The following ATP6V1H variants were observed in gnomAD, a reference collection of about 807,000 sequenced individuals.
ATP6V1H encodes V-type proton ATPase subunit H.
A neutral mutation model predicts 71.7 loss-of-function variants in ATP6V1H; 39 were observed. The observed-to-expected ratio is 0.54, with a 90% CI of 0.42 to 0.71. The LOEUF (loss-of-function observed/expected upper bound fraction) is 0.71. Ranked by LOEUF, ATP6V1H falls within the 30% of genes least tolerant of loss-of-function variation. The pLI, the probability that ATP6V1H is intolerant of heterozygous loss-of-function variation, is 0.00. For missense variants in ATP6V1H, 509 were observed against 594.9 expected (o/e 0.86, Z 1.50); for synonymous variants, 192 against 199.3 (o/e 0.96, Z 0.31).
intron 8 of ATP6V1H, among the ~76,000 whole-genome samples, chr8:53,801,363 G>A (rs182167216): frequency 1.1e-3 from 169 of 152,294 alleles, no homozygotes; most frequent in African/African-American, 3.6e-3. Flanking sequence ...GTGCTTGTCT[G>A]TATAAGCCTG....
At chr8:53,815,663 T>A (rs1324232912) in intron 5 of ATP6V1H, among the ~76,000 whole-genome samples, 3 of 152,236 alleles carry the variant, frequency 2.0e-5, no homozygotes, top group African/African-American at 7.2e-5. Flanking sequence ...GCTGAGGTTT[T>A]CACATGCCCA....
At chr8:53,754,048 C>G (rs1477735721) in intron 12 of ATP6V1H, among the ~76,000 whole-genome samples, 1 of 152,116 alleles carries the variant, frequency 6.6e-6, no homozygotes, top group East Asian at 1.9e-4. Flanking sequence ...CCAGATGAGC[C>G]CTGCACACTG....
intron 9 of ATP6V1H, among the ~76,000 whole-genome samples, chr8:53,776,033 G>A (rs1417478861): frequency 6.6e-6 from 1 of 152,228 alleles, no homozygotes; most frequent in African/African-American, 2.4e-5. Context: ...GCAGTCCCGA[G>A]GCCTGCCCCG....
intron 11 of ATP6V1H, 106 bp downstream of exon 11, chr8:53,769,512 C>A: frequency 1.7e-6 from 2 of 1,167,424 alleles, no homozygotes; most frequent in South Asian, 1.8e-5. Flanking sequence ...CAAGAAAATA[C>A]AAATTAAAAC....
Position 53,801,892 on chromosome 8 carries a change from G to A in ATP6V1H, c.584C>T (p.Ser195Leu), listed in dbSNP as rs770394341. The A allele has an allele frequency of 1.2e-5, 19 of 1,613,104 alleles. No homozygotes were observed. Among genetic ancestry groups the A allele is most frequent in the Middle Eastern group, 1.6e-4 (1 of 6,080 alleles). The change falls in exon 8 of 14, where the codon TCG becomes TTG. Residue 195 changes from serine (S) to leucine (L), a missense_variant. Physicochemically the swap from Ser to Leu is moderately radical, Grantham distance 145. Coordinates refer to ENST00000359530, the MANE Select transcript of ATP6V1H (RefSeq NM_015941.4). ...CCCGGCCACGCACTGCACATACTGCGAACTCTGCACAAGAAGAAGTGTTGA... is the reference window on the plus strand; with the variant it reads ...CCCGGCCACGCACTGCACATACTGCAAACTCTGCACAAGAAGAAGTGTTGA... ...ETGTVSSSDS[S>L]QYVQCVAGCL...
chr8:53,841,532 G>A, intron 2 of ATP6V1H, 46 bp downstream of exon 2: 1 of 1,588,756 alleles, frequency 6.3e-7, no homozygotes, highest in Non-Finnish European at 8.6e-7. Flanking sequence ...AAAGTCTGAT[G>A]CAAAAGCATA....
intron 2 of ATP6V1H, among the ~76,000 whole-genome samples, 196 bp downstream of exon 2, chr8:53,841,382 C>T (rs1333310209): frequency 6.6e-6 from 1 of 152,224 alleles, no homozygotes; most frequent in Non-Finnish European, 1.5e-5. Flanking sequence ...AGCCGCTCTG[C>T]TTCCCCACTA....
chr8:53,742,275 A>G (rs1464204944), intron 13 of ATP6V1H, among the ~76,000 whole-genome samples: 1 of 151,718 alleles, frequency 6.6e-6, no homozygotes, highest in Non-Finnish European at 1.5e-5. Flanking sequence ...TATTACCAGC[A>G]CTCCAGCTGT....
chr8:53,769,522 C>T lies in ATP6V1H; in HGVS notation c.1175+96G>A, dbSNP rs1808581567. ...GTCAGCAAGAAAATACAAATTAAAA[C>T]CATAGAATATCTAAAATTTAGAGTG... is the stretch of plus-strand genomic sequence containing the variant. On this transcript the variant is annotated intron_variant, in intron 11 of 13. Transcript: ENST00000359530. 4.5e-5 allele frequency: 56 copies of T among 1,252,724 alleles called. 1 individual carries two copies. In the South Asian group the frequency reaches 8.2e-4, roughly 18 times the overall value. 77.6% of individuals were successfully genotyped at this position (1,252,724 alleles called of 1,614,324 possible). A position where few individuals can be genotyped will look rare whatever the true frequency, so the allele number is the denominator to read the frequency against.
intron 12 of ATP6V1H, among the ~76,000 whole-genome samples, chr8:53,747,769 G>A (rs1807659076): frequency 6.6e-6 from 1 of 151,714 alleles, no homozygotes; most frequent in South Asian, 2.1e-4. Flanking sequence ...TCTCAAACTC[G>A]TGACCTCGTG....
intron 8 of ATP6V1H, among the ~76,000 whole-genome samples, chr8:53,798,140 AAC>A (rs1319089927): frequency 2.6e-4 from 39 of 152,344 alleles, no homozygotes; most frequent in Admixed American, 1.8e-3. Context: ...TATACAAATA[AAC>A]AGTGTTGTAT....
At chr8:53,784,861 T>C (rs1246375701) in intron 9 of ATP6V1H, among the ~76,000 whole-genome samples, 1 of 152,230 alleles carries the variant, frequency 6.6e-6, no homozygotes, top group African/African-American at 2.4e-5. Flanking sequence ...TGTTGAATAT[T>C]GGCCCCCACT....
intron 11 of ATP6V1H, among the ~76,000 whole-genome samples, chr8:53,757,440 CAT>C (rs1808111611): frequency 6.6e-6 from 1 of 152,192 alleles, no homozygotes; most frequent in African/African-American, 2.4e-5. Context: ...CTACCTTCCT[CAT>C]GTGTGCAAGC....
chr8:53,760,115 C>T (rs1009142057), intron 11 of ATP6V1H, among the ~76,000 whole-genome samples: 2 of 152,104 alleles, frequency 1.3e-5, no homozygotes, highest in African/African-American at 4.8e-5. Flanking sequence ...GCAGCTGGTG[C>T]CAGGGAACGA....
intron 12 of ATP6V1H, among the ~76,000 whole-genome samples, chr8:53,755,702 A>T (rs866308530): frequency 1.4e-3 from 3 of 2,190 alleles, no homozygotes; most frequent in African/African-American, 2.4e-3. Context: ...ATATATATAT[A>T]TATATATATA....
intron 4 of ATP6V1H, among the ~76,000 whole-genome samples, chr8:53,818,324 G>GTTC (rs1220547055): frequency 2.0e-5 from 3 of 152,038 alleles, no homozygotes; most frequent in Non-Finnish European, 4.4e-5. Context: ...TGTTATGTAA[G>GTTC]TTCTTTAGTG....
In ATP6V1H at chr8:53,746,241, A is replaced by C. The variant is rs79652268; in HGVS notation, c.1278-2551T>G. On this transcript the variant is annotated intron_variant, in intron 12 of 13. Transcript: ENST00000359530. ...GCCAATAAAATTTTGAAAAGCTTTTAATGATTGATATTATTATGTTTATTT... is the reference window on the plus strand; with the variant it reads ...GCCAATAAAATTTTGAAAAGCTTTTCATGATTGATATTATTATGTTTATTT... Among the ~76,000 whole-genome samples, 48 of 152,100 alleles carry C rather than the reference A, an allele frequency of 3.2e-4. 1 individual carries two copies. The East Asian group carries it at 9.1e-3, about 29-fold the overall frequency.
intron 13 of ATP6V1H, among the ~76,000 whole-genome samples, chr8:53,733,590 C>G (rs1036702878): frequency 6.6e-6 from 1 of 152,148 alleles, no homozygotes; most frequent in African/African-American, 2.4e-5. Context: ...ATTTACTATC[C>G]GACAGGGGGA....
At chr8:53,733,435 G>GT (rs1265467667) in intron 13 of ATP6V1H, among the ~76,000 whole-genome samples, 3 of 152,304 alleles carry the variant, frequency 2.0e-5, no homozygotes, top group South Asian at 4.2e-4. Context: ...TTGCTCCAGT[G>GT]TGTCGACGAC....
Sources: allele counts gnomAD v4.1 joint callset (sites outside exome capture counted in the v4.1 genomes callset), GRCh38; gene constraint gnomAD v4.1.1; transcripts MANE v1.5; gene names NCBI Gene and HGNC (gene_info 2026-07-23, HGNC 2026-07-21).